Variants in CACNA2D3 observed in about 807,000 individuals in gnomAD.
The protein encoded by CACNA2D3 is voltage-dependent calcium channel subunit alpha-2/delta-3.
Under a neutral mutation model 160.6 loss-of-function variants are expected in CACNA2D3, and 60 were observed. That is an observed-to-expected ratio of 0.37 (90% confidence interval 0.30 to 0.46). The LOEUF is 0.46. Ranked by LOEUF, CACNA2D3 falls within the 20% of genes least tolerant of loss-of-function variation. CACNA2D3 has a pLI of 1.00. For synonymous variants in CACNA2D3, 558 were observed against 492.9 expected, an observed-to-expected ratio of 1.13 and a Z score of -1.75; for missense variants, 1,205 against 1,365.0, an observed-to-expected ratio of 0.88 and a Z score of 1.85.
chr3:54,427,251 A>G lies in CACNA2D3; in HGVS notation c.381+40477A>G, dbSNP rs901636721. 1.2e-4 allele frequency among the ~76,000 whole-genome samples: 19 copies of G among 152,308 alleles called. No individual in the cohort carries two copies. The South Asian group carries it at 1.9e-3, about 15-fold the overall frequency. On this transcript the variant is annotated intron_variant, in intron 4 of 37. Transcript: ENST00000474759. ...TCTGTTGATGAATAAAATTTTTCAT[A>G]AAACACAATTTTTGAAATGTGTTAA... is the stretch of plus-strand genomic sequence containing the variant.
intron 2 of CACNA2D3, among the ~76,000 whole-genome samples, chr3:54,166,037 A>G (rs915107517): frequency 1.3e-5 from 2 of 152,170 alleles, no homozygotes; most frequent in South Asian, 4.1e-4. Flanking sequence ...AGACATGGGA[A>G]GAGTACAGCT....
At chr3:54,461,980 T>C (rs1054089743) in intron 4 of CACNA2D3, among the ~76,000 whole-genome samples, 2 of 152,222 alleles carry the variant, frequency 1.3e-5, no homozygotes, top group African/African-American at 4.8e-5. Context: ...TGTTGTGTCT[T>C]TGTTCTGGTT....
chr3:54,595,313 GGTGTGT>G (rs71637562), intron 9 of CACNA2D3, among the ~76,000 whole-genome samples: 40 of 132,262 alleles, frequency 3.0e-4, no homozygotes, highest in East Asian at 1.0e-3. Context: ...CTGTGTGTGT[GGTGTGT>G]GTGTGTGTGT....
At chr3:54,357,235 G>T (rs1012665138) in intron 3 of CACNA2D3, among the ~76,000 whole-genome samples, 8 of 152,142 alleles carry the variant, frequency 5.3e-5, no homozygotes, top group African/African-American at 1.9e-4. Flanking sequence ...AATGAATGAG[G>T]CATGGTCAGC....
intron 3 of CACNA2D3, among the ~76,000 whole-genome samples, chr3:54,328,882 G>A (rs1426546743): frequency 1.3e-5 from 2 of 152,188 alleles, no homozygotes; most frequent in Non-Finnish European, 2.9e-5. Context: ...CTGACTTTGG[G>A]GTGCCAGCTG....
At chr3:54,806,089 C>G (rs1264377164) in intron 13 of CACNA2D3, among the ~76,000 whole-genome samples, 2 of 152,176 alleles carry the variant, frequency 1.3e-5, no homozygotes, top group African/African-American at 2.4e-5. Flanking sequence ...AACCCACAGC[C>G]AATATCATAC....
intron 11 of CACNA2D3, among the ~76,000 whole-genome samples, chr3:54,665,581 C>T (rs145240615): frequency 6.6e-6 from 1 of 152,186 alleles, no homozygotes; most frequent in East Asian, 1.9e-4. Flanking sequence ...ACAGTAACTG[C>T]ACTAATCCCA....
At chr3:54,341,272 T>A (rs1698335449) in intron 3 of CACNA2D3, among the ~76,000 whole-genome samples, 1 of 152,240 alleles carries the variant, frequency 6.6e-6, no homozygotes, top group Non-Finnish European at 1.5e-5. Context: ...CTTCCAAGTT[T>A]CTCAACCCTT....
intron 9 of CACNA2D3, among the ~76,000 whole-genome samples, chr3:54,601,179 A>G (rs1277828244): frequency 6.6e-6 from 1 of 152,144 alleles, no homozygotes. Context: ...GCTGGGCCTA[A>G]GAATCTTAAA....
intron 4 of CACNA2D3, among the ~76,000 whole-genome samples, chr3:54,419,168 C>T (rs529555136): frequency 2.6e-5 from 4 of 152,312 alleles, no homozygotes; most frequent in Non-Finnish European, 4.4e-5. Context: ...TGTTCAGTCT[C>T]GGAACTTGAG....
intron 11 of CACNA2D3, among the ~76,000 whole-genome samples, chr3:54,687,143 T>TTG (rs1700476374): frequency 1.4e-5 from 1 of 70,578 alleles, no homozygotes; most frequent in Admixed American, 1.3e-4. Flanking sequence ...TTGTTTTTTT[T>TTG]TTTTTTTGTT....
At chr3:54,703,360 T>C (rs1049109933) in intron 11 of CACNA2D3, among the ~76,000 whole-genome samples, 2 of 152,210 alleles carry the variant, frequency 1.3e-5, no homozygotes, top group Non-Finnish European at 2.9e-5. Context: ...AATTTACTTA[T>C]AAGAATTTTA....
At chr3:54,320,300 G>A in intron 2 of CACNA2D3, 142 bp from the exon 3 acceptor site, 1 of 525,498 alleles carries the variant, frequency 1.9e-6, no homozygotes, top group Admixed American at 3.7e-5. Flanking sequence ...TTGAAACACA[G>A]TTTAATATCC....
chr3:54,467,592 C>G (rs1700651472), intron 4 of CACNA2D3, among the ~76,000 whole-genome samples: 1 of 152,114 alleles, frequency 6.6e-6, no homozygotes, highest in South Asian at 2.1e-4. Flanking sequence ...ATGGGTGAAT[C>G]TGGAGACATT....
chr3:54,692,077 G>A (rs918549364), intron 11 of CACNA2D3, among the ~76,000 whole-genome samples: 11 of 151,958 alleles, frequency 7.2e-5, no homozygotes, highest in Non-Finnish European at 1.0e-4. Context: ...GGGTTCTAGC[G>A]ATTCTCCCAC....
intron 5 of CACNA2D3, among the ~76,000 whole-genome samples, chr3:54,516,028 A>T (rs1277228849): frequency 6.6e-6 from 1 of 152,196 alleles, no homozygotes; most frequent in African/African-American, 2.4e-5. Flanking sequence ...CCATTGTCAA[A>T]GGCCACATCC....
intron 2 of CACNA2D3, among the ~76,000 whole-genome samples, chr3:54,231,325 C>T (rs1175431252): frequency 6.6e-5 from 10 of 152,194 alleles, no homozygotes; most frequent in African/African-American, 2.4e-4. Flanking sequence ...ACTCTGCCAG[C>T]TAATTTCATG....
intron 4 of CACNA2D3, among the ~76,000 whole-genome samples, chr3:54,478,652 A>ACG (rs1553692093): frequency 3.2e-4 from 25 of 77,052 alleles, no homozygotes; most frequent in African/African-American, 1.3e-3. Context: ...ATATATAAAT[A>ACG]TGTGTGTGTA....
At chr3:54,770,183 G>C (rs1393693150) in intron 13 of CACNA2D3, among the ~76,000 whole-genome samples, 1 of 152,096 alleles carries the variant, frequency 6.6e-6, no homozygotes, top group Non-Finnish European at 1.5e-5. Context: ...ATCCTATAAA[G>C]AGAATGATGT....
Sources: gnomAD v4.1 joint callset for allele counts (sites outside exome capture counted in the v4.1 genomes callset) on GRCh38, gnomAD v4.1.1 for gene constraint, MANE v1.5 for transcripts, NCBI Gene and HGNC (gene_info 2026-07-23, HGNC 2026-07-21) for gene names.